Variants in CNTN1 observed in about 807,000 individuals in gnomAD.
The protein encoded by CNTN1 is contactin-1.
In CNTN1, 38 loss-of-function variants were observed where a neutral mutation model predicts 126.4. The ratio of observed to expected loss-of-function variants is 0.30; its 90% CI spans 0.23 to 0.39. The LOEUF (loss-of-function observed/expected upper bound fraction) is 0.39. Ranked by LOEUF, CNTN1 falls within the 10% of genes least tolerant of loss-of-function variation. The probability of loss-of-function intolerance (pLI) is 1.00; values close to 1 mark genes in which losing one functional copy is unlikely to be tolerated. For missense variants in CNTN1, 1,009 were observed against 1,248.4 expected (o/e 0.81, Z 2.89); for synonymous variants, 413 against 422.6 (o/e 0.98, Z 0.28).
At chr12:41,049,060 G>A (rs766917829) in intron 23 of CNTN1, among the ~76,000 whole-genome samples, 1 of 152,088 alleles carries the variant, frequency 6.6e-6, no homozygotes, top group Non-Finnish European at 1.5e-5. Context: ...GATGCATATG[G>A]CCACTTTCTC....
intron 1 of CNTN1, among the ~76,000 whole-genome samples, chr12:40,796,832 G>C (rs1565748682): frequency 6.6e-6 from 1 of 152,016 alleles, no homozygotes; most frequent in Non-Finnish European, 1.5e-5. Context: ...TGTGTGTCTA[G>C]GATCAAAGCA....
intron 4 of CNTN1, 131 bp from the exon 5 acceptor site, chr12:40,922,125 C>T: frequency 1.3e-6 from 1 of 753,306 alleles, no homozygotes; most frequent in South Asian, 1.5e-5. Flanking sequence ...AAAGAAATAC[C>T]ACCTGAATCA....
chr12:41,060,743 C>T (rs531771741), intron 23 of CNTN1, among the ~76,000 whole-genome samples: 22 of 152,108 alleles, frequency 1.4e-4, no homozygotes, highest in African/African-American at 4.3e-4. Flanking sequence ...ATTTTGTATA[C>T]GTTGGGAATA....
chr12:41,027,684 A>C (rs1249811996), intron 21 of CNTN1, among the ~76,000 whole-genome samples, 173 bp from the exon 22 acceptor site: 1 of 152,196 alleles, frequency 6.6e-6, no homozygotes, highest in Non-Finnish European at 1.5e-5. Flanking sequence ...GGGTACATTA[A>C]ATGGACTCAT....
intron 1 of CNTN1, among the ~76,000 whole-genome samples, chr12:40,707,946 C>T (rs1941812995): frequency 6.6e-6 from 1 of 152,146 alleles, no homozygotes; most frequent in African/African-American, 2.4e-5. Flanking sequence ...TTTTACATAA[C>T]TGTTATCAAA....
At chr12:40,872,348 A>G (rs1279842546) in intron 1 of CNTN1, among the ~76,000 whole-genome samples, 3 of 151,744 alleles carry the variant, frequency 2.0e-5, no homozygotes, top group African/African-American at 7.3e-5. Flanking sequence ...GTAACAAATC[A>G]ATATCAAGTA....
intron 1 of CNTN1, among the ~76,000 whole-genome samples, chr12:40,767,466 G>A (rs551285928): frequency 1.3e-4 from 20 of 150,446 alleles, no homozygotes; most frequent in African/African-American, 4.1e-4. Context: ...GCACCACCTC[G>A]CCCAGCTAAT....
At chr12:40,834,188 G>T (rs1168535579) in intron 1 of CNTN1, among the ~76,000 whole-genome samples, 1 of 152,136 alleles carries the variant, frequency 6.6e-6, no homozygotes, top group African/African-American at 2.4e-5. Context: ...GTATCTTTTG[G>T]TGGTGCACTC....
At chr12:40,905,536 TTTA>T (rs1417712005) in intron 1 of CNTN1, among the ~76,000 whole-genome samples, 3 of 152,186 alleles carry the variant, frequency 2.0e-5, no homozygotes, top group African/African-American at 7.2e-5. Context: ...ATTATAACAG[TTTA>T]TTATTACACA....
At chr12:40,816,487 G>A (rs538480487) in intron 1 of CNTN1, among the ~76,000 whole-genome samples, 3 of 151,920 alleles carry the variant, frequency 2.0e-5, no homozygotes, top group Non-Finnish European at 4.4e-5. Context: ...CTGTGGGGTC[G>A]ATGGTGATGT....
At chr12:40,801,508 G>T (rs1940651597) in intron 1 of CNTN1, among the ~76,000 whole-genome samples, 2 of 151,920 alleles carry the variant, frequency 1.3e-5, no homozygotes, top group Admixed American at 1.3e-4. Flanking sequence ...GAAGAAGGAA[G>T]TTTCCTAGTT....
intron 12 of CNTN1, among the ~76,000 whole-genome samples, chr12:40,942,907 T>C (rs917594057): frequency 1.3e-5 from 2 of 152,116 alleles, no homozygotes; most frequent in Admixed American, 1.3e-4. Flanking sequence ...TGGATATACG[T>C]TTGCATGTTT....
At chr12:40,705,388 T>A (rs1941711801) in intron 1 of CNTN1, among the ~76,000 whole-genome samples, 1 of 152,226 alleles carries the variant, frequency 6.6e-6, no homozygotes, top group South Asian at 2.1e-4. Flanking sequence ...ATACTTTACT[T>A]ATCATAAACT....
At chr12:41,005,900 T>C (rs970986639) in intron 17 of CNTN1, among the ~76,000 whole-genome samples, 1 of 152,214 alleles carries the variant, frequency 6.6e-6, no homozygotes, top group Non-Finnish European at 1.5e-5. Flanking sequence ...TTCCTGTGGA[T>C]AATCTGAATT....
intron 1 of CNTN1, among the ~76,000 whole-genome samples, chr12:40,903,713 A>T (rs963174588): frequency 6.6e-6 from 1 of 152,162 alleles, no homozygotes; most frequent in Non-Finnish European, 1.5e-5. Flanking sequence ...AATAAATTAC[A>T]TGCTGCTGGG....
At chr12:41,013,728 A>G (rs1433682524) in intron 17 of CNTN1, among the ~76,000 whole-genome samples, 1 of 152,190 alleles carries the variant, frequency 6.6e-6, no homozygotes, top group African/African-American at 2.4e-5. Flanking sequence ...CTTTGGAGTC[A>G]CTGACGGCGC....
chr12:40,870,410 A>G (rs557963396), intron 1 of CNTN1, among the ~76,000 whole-genome samples: 16 of 152,150 alleles, frequency 1.1e-4, no homozygotes, highest in Non-Finnish European at 1.9e-4. Flanking sequence ...CAAAAATAAG[A>G]TAATTTATAT....
chr12:40,890,880 T>C (rs1420334021), intron 1 of CNTN1, among the ~76,000 whole-genome samples: 1 of 152,176 alleles, frequency 6.6e-6, no homozygotes, highest in African/African-American at 2.4e-5. Context: ...GATTGCTGGA[T>C]CATATGGTAA....
chr12:41,062,463 T>A, intron 23 of CNTN1, among the ~76,000 whole-genome samples: 1 of 152,178 alleles, frequency 6.6e-6, no homozygotes, highest in Non-Finnish European at 1.5e-5. Flanking sequence ...TAGTCTATAC[T>A]TGCATTGTTG....
Sources: gnomAD v4.1 joint callset for allele counts (sites outside exome capture counted in the v4.1 genomes callset) on GRCh38, gnomAD v4.1.1 for gene constraint, MANE v1.5 for transcripts, NCBI Gene and HGNC (gene_info 2026-07-23, HGNC 2026-07-21) for gene names.